The following SLC1A3 variants were observed in gnomAD, a reference collection of about 807,000 sequenced individuals.
The protein encoded by SLC1A3 is solute carrier family 1 member 3, also known as excitatory amino acid transporter 1.
Under a neutral mutation model 48.1 loss-of-function variants are expected in SLC1A3, and 21 were observed. That is an observed-to-expected ratio of 0.44 (90% CI 0.31 to 0.63). The LOEUF (loss-of-function observed/expected upper bound fraction) is 0.63, where lower values mean the gene tolerates loss of function less well. SLC1A3 is among the 20% of genes least tolerant of loss of function. The pLI, the probability that SLC1A3 is intolerant of heterozygous loss-of-function variation, is 0.08. For synonymous variants in SLC1A3, 239 were observed against 251.4 expected (o/e 0.95, Z 0.47); for missense variants, 546 against 689.0 (o/e 0.79, Z 2.32).
At chr5:36,615,357 T>C (rs1739386716) in intron 2 of SLC1A3, among the ~76,000 whole-genome samples, 4 of 152,244 alleles carry the variant, frequency 2.6e-5, no homozygotes, top group Admixed American at 2.6e-4. Flanking sequence ...TATAGAATAA[T>C]AAACAGAGGT....
intron 7 of SLC1A3, 135 bp downstream of exon 7, chr5:36,679,995 T>G: frequency 1.4e-6 from 1 of 716,568 alleles, no homozygotes; most frequent in East Asian, 2.7e-5. Context: ...TCATTTCTGA[T>G]GTCAATCACA....
intron 2 of SLC1A3, among the ~76,000 whole-genome samples, chr5:36,618,463 TGC>T (rs1208650108): frequency 2.0e-5 from 3 of 152,332 alleles, no homozygotes; most frequent in Middle Eastern, 3.4e-3. Flanking sequence ...CAGCCCTGGC[TGC>T]TTTAGTTACA....
chr5:36,643,325 A>G (rs1246311149), intron 3 of SLC1A3, among the ~76,000 whole-genome samples: 3 of 152,080 alleles, frequency 2.0e-5, no homozygotes, highest in African/African-American at 7.2e-5. Flanking sequence ...ACTTCTTATT[A>G]TCTGTCTTTT....
At chr5:36,611,694 G>GT (rs1739205439) in intron 2 of SLC1A3, among the ~76,000 whole-genome samples, 1 of 152,174 alleles carries the variant, frequency 6.6e-6, no homozygotes, top group African/African-American at 2.4e-5. Flanking sequence ...TGCCAGGGCT[G>GT]TTGTGGACAT....
chr5:36,650,909 A>T (rs577800974), intron 3 of SLC1A3, among the ~76,000 whole-genome samples: 1 of 152,348 alleles, frequency 6.6e-6, no homozygotes, highest in East Asian at 1.9e-4. Flanking sequence ...AGGCATAAGC[A>T]TAACTAGAAT....
At chr5:36,657,753 A>T (rs1010734006) in intron 3 of SLC1A3, among the ~76,000 whole-genome samples, 1 of 152,250 alleles carries the variant, frequency 6.6e-6, no homozygotes, top group Non-Finnish European at 1.5e-5. Flanking sequence ...AGGATGGGGA[A>T]CAACTGAGCT....
chr5:36,652,724 C>G (rs950373172), intron 3 of SLC1A3, among the ~76,000 whole-genome samples: 3 of 152,172 alleles, frequency 2.0e-5, no homozygotes, highest in African/African-American at 7.2e-5. Context: ...TTATTCTTCT[C>G]CTCCCATAGT....
intron 2 of SLC1A3, among the ~76,000 whole-genome samples, chr5:36,628,398 C>A (rs1264139649): frequency 3.3e-5 from 5 of 152,168 alleles, no homozygotes; most frequent in Non-Finnish European, 7.3e-5. Context: ...CGGTATCATT[C>A]CCGCTTCTCC....
chr5:36,683,310 C>T (rs1404347399), intron 8 of SLC1A3, among the ~76,000 whole-genome samples: 1 of 152,072 alleles, frequency 6.6e-6, no homozygotes, highest in Non-Finnish European at 1.5e-5. Flanking sequence ...GGTCATTGTA[C>T]GAGGACCAAA....
At chr5:36,656,310 C>T (rs558256122) in intron 3 of SLC1A3, among the ~76,000 whole-genome samples, 197 of 152,304 alleles carry the variant, frequency 1.3e-3, no homozygotes, top group Non-Finnish European at 2.0e-3. Context: ...AGGGGCTGAG[C>T]TTGAATTCAA....
Position 36,686,244 on chromosome 5 carries a change from C to A in SLC1A3, c.1604C>A (p.Pro535His), listed in dbSNP as rs1227389534. ...GCACAGGACAATGAAACTGAGAAAC[C>A]CATCGACAGTGAAACCAAGATGTAG... is the stretch of plus-strand genomic sequence containing the variant. ...LIAQDNETEK[P>H]IDSETKM Residue 535 changes from proline (P) to histidine (H), a missense_variant, in exon 10 of 10, where the codon CCC becomes CAC. Transcript: ENST00000265113. 2 of 1,613,638 alleles carry A rather than the reference C, an allele frequency of 1.2e-6. No individual in the cohort carries two copies. The highest frequency in any genetic ancestry group is 2.7e-5 in the African/African-American group (2 of 74,876).
intron 3 of SLC1A3, among the ~76,000 whole-genome samples, chr5:36,661,413 A>G (rs1302735528): frequency 6.6e-6 from 1 of 152,280 alleles, no homozygotes; most frequent in Non-Finnish European, 1.5e-5. Flanking sequence ...CTCCGTCTCA[A>G]AGAAAAAGAA....
intron 2 of SLC1A3, among the ~76,000 whole-genome samples, chr5:36,617,164 T>C (rs1475781374): frequency 6.6e-6 from 1 of 152,122 alleles, no homozygotes; most frequent in African/African-American, 2.4e-5. Context: ...TTCGCTTCCT[T>C]GTCTCCAAAA....
intron 6 of SLC1A3, among the ~76,000 whole-genome samples, chr5:36,678,480 C>G (rs1453265908): frequency 1.3e-5 from 2 of 152,238 alleles, no homozygotes; most frequent in African/African-American, 4.8e-5. Context: ...CCTGCACATT[C>G]AACGCTGAGT....
chr5:36,687,715 A>T lies in SLC1A3; in HGVS notation c.*1446A>T, dbSNP rs1355288242. 1.3e-5 allele frequency: 2 copies of T among 152,614 alleles called. No individual in the cohort carries two copies. The highest frequency in any genetic ancestry group is 3.8e-4 in the East Asian group (2 of 5,200). 9.5% of individuals were successfully genotyped at this position (152,614 alleles called of 1,614,324 possible). A position where few individuals can be genotyped will look rare whatever the true frequency, so the allele number is the denominator to read the frequency against. ...TGCTTTTGTTTTGTTTGTGTCCATAAGAGAAATGGTAGAAGATGAATCAGT... is the reference window on the plus strand; with the variant it reads ...TGCTTTTGTTTTGTTTGTGTCCATATGAGAAATGGTAGAAGATGAATCAGT... On this transcript the variant is annotated 3_prime_UTR_variant, in exon 10 of 10. Transcript: ENST00000265113.
At chr5:36,684,495 C>A (rs1317133813) in intron 9 of SLC1A3, among the ~76,000 whole-genome samples, 2 of 152,186 alleles carry the variant, frequency 1.3e-5, no homozygotes, top group Non-Finnish European at 2.9e-5. Flanking sequence ...AATTGAGTTT[C>A]GGATCTAGGG....
intron 3 of SLC1A3, among the ~76,000 whole-genome samples, chr5:36,649,939 CA>C (rs1333703827): frequency 6.6e-6 from 1 of 152,136 alleles, no homozygotes; most frequent in Non-Finnish European, 1.5e-5. Flanking sequence ...GTGAGTTTTC[CA>C]AAAACAATTA....
intron 3 of SLC1A3, among the ~76,000 whole-genome samples, chr5:36,653,813 T>C (rs937397104): frequency 6.6e-6 from 1 of 152,164 alleles, no homozygotes; most frequent in African/African-American, 2.4e-5. Context: ...TGAGGATAAT[T>C]AGCTAAAAAT....
intron 2 of SLC1A3, among the ~76,000 whole-genome samples, chr5:36,616,720 G>A (rs886151632): frequency 6.6e-6 from 1 of 152,190 alleles, no homozygotes; most frequent in Non-Finnish European, 1.5e-5. Context: ...TATACACATC[G>A]CATTACTTGA....
Sources: gnomAD v4.1 joint callset for allele counts (sites outside exome capture counted in the v4.1 genomes callset) on GRCh38, gnomAD v4.1.1 for gene constraint, MANE v1.5 for transcripts, NCBI Gene and HGNC (gene_info 2026-07-23, HGNC 2026-07-21) for gene names.